Variants in NAV2 observed in about 807,000 individuals in gnomAD.
NAV2 encodes neuron navigator 2, also known as helicase, APC down-regulated 1.
Under a neutral mutation model 223.2 loss-of-function variants are expected in NAV2, and 54 were observed. The ratio of observed to expected loss-of-function variants is 0.24; its 90% confidence interval spans 0.19 to 0.30. The LOEUF is 0.30. Among genes scored for constraint, NAV2 ranks in the 10% least tolerant of loss-of-function variants. NAV2 has a pLI of 1.00. For synonymous variants in NAV2, 1,279 were observed against 1,239.3 expected (o/e 1.03, Z -0.67); for missense variants, 2,806 against 3,147.5 (o/e 0.89, Z 2.60).
At chr11:19,550,968 A>G (rs529896401) in intron 1 of NAV2, among the ~76,000 whole-genome samples, 111 of 152,376 alleles carry the variant, frequency 7.3e-4, no homozygotes, top group African/African-American at 2.5e-3. Context: ...AATGAGAAGT[A>G]GGTATAAAGA....
At chr11:19,879,538 G>T (rs532270037) in intron 4 of NAV2, among the ~76,000 whole-genome samples, 1 of 152,260 alleles carries the variant, frequency 6.6e-6, no homozygotes, top group African/African-American at 2.4e-5. Flanking sequence ...GCTTCCCCCA[G>T]TGCCAGAGTT....
intron 1 of NAV2, among the ~76,000 whole-genome samples, chr11:19,416,927 C>T (rs965899885): frequency 1.3e-5 from 2 of 152,162 alleles, no homozygotes; most frequent in East Asian, 1.9e-4. Flanking sequence ...CTTCCTTACA[C>T]CTTATACAAA....
chr11:19,397,418 T>TGTGTGTGTGTGTGTGCGCGC (rs57566081), intron 1 of NAV2, among the ~76,000 whole-genome samples: 97 of 145,350 alleles, frequency 6.7e-4, no homozygotes, highest in African/African-American at 2.4e-3. Flanking sequence ...TGTGTGTGTG[T>TGTGTGTGTGTGTGTGCGCGC]GCGCGCATGT....
At chr11:19,691,853 A>C (rs2049184412) in intron 1 of NAV2, among the ~76,000 whole-genome samples, 1 of 152,218 alleles carries the variant, frequency 6.6e-6, no homozygotes, top group Non-Finnish European at 1.5e-5. Flanking sequence ...CTGGGCCAAA[A>C]GACCCCTCCC....
intron 1 of NAV2, among the ~76,000 whole-genome samples, chr11:19,544,835 T>C (rs898642710): frequency 3.3e-5 from 5 of 152,160 alleles, no homozygotes; most frequent in African/African-American, 1.2e-4. Flanking sequence ...TGGCAAATCT[T>C]CCAAACTGTC....
intron 1 of NAV2, among the ~76,000 whole-genome samples, chr11:19,410,743 A>C (rs1251449770): frequency 6.6e-6 from 1 of 152,222 alleles, no homozygotes; most frequent in East Asian, 1.9e-4. Context: ...CCCTGCAGCC[A>C]GTGTTTCCAG....
At chr11:19,842,608 G>A (rs1218621969) in intron 2 of NAV2, among the ~76,000 whole-genome samples, 1 of 152,108 alleles carries the variant, frequency 6.6e-6, no homozygotes, top group Non-Finnish European at 1.5e-5. Flanking sequence ...GCATTTCCAC[G>A]ATGCCCCTTC....
intron 1 of NAV2, among the ~76,000 whole-genome samples, chr11:19,685,854 C>T (rs2049007859): frequency 6.6e-6 from 1 of 152,170 alleles, no homozygotes. Context: ...GAGCCTCCCA[C>T]GCTCTGCACC....
intron 1 of NAV2, among the ~76,000 whole-genome samples, chr11:19,502,421 A>G (rs551554168): frequency 6.6e-6 from 1 of 152,336 alleles, no homozygotes; most frequent in South Asian, 2.1e-4. Flanking sequence ...GTGCCAGATA[A>G]TGTTACCTTA....
intron 1 of NAV2, among the ~76,000 whole-genome samples, chr11:19,561,565 T>C (rs886575293): frequency 7.9e-5 from 12 of 152,342 alleles, no homozygotes; most frequent in African/African-American, 2.9e-4. Flanking sequence ...GCACCTATTA[T>C]TACTAGATAT....
chr11:19,697,812 T>G (rs1199164136), intron 1 of NAV2, among the ~76,000 whole-genome samples: 1 of 152,200 alleles, frequency 6.6e-6, no homozygotes, highest in Non-Finnish European at 1.5e-5. Context: ...GTGATGGCAA[T>G]TGGCTCTGAC....
intron 11 of NAV2, among the ~76,000 whole-genome samples, chr11:19,990,666 C>G (rs1005433798): frequency 2.0e-5 from 3 of 152,282 alleles, no homozygotes; most frequent in African/African-American, 7.2e-5. Flanking sequence ...AGTATTTGAG[C>G]CTTATCTCCC....
chr11:20,029,864 G>A (rs1017150530), intron 11 of NAV2, among the ~76,000 whole-genome samples: 46 of 152,312 alleles, frequency 3.0e-4, no homozygotes, highest in African/African-American at 1.1e-3. Flanking sequence ...CCAATGTAGG[G>A]CATTTCATTA....
chr11:20,118,589 A>G lies in NAV2; in HGVS notation c.*331A>G, dbSNP rs77011659. 214 of 31,296 alleles carry G rather than the reference A, an allele frequency of 6.8e-3. No individual in the cohort carries two copies. The highest frequency in any genetic ancestry group is 0.011 in the South Asian group (18 of 1,568). The allele number at this position is 31,296 out of a possible 1,614,324, so 1.9% of individuals were successfully genotyped here. A position where few individuals can be genotyped will look rare whatever the true frequency, so the allele number is the denominator to read the frequency against. ...TGAAATGAAAAGAGAGACAGAGAGA[A>G]AAAAAAAAAGAGAACCCACATGAAG... On this transcript the variant is annotated 3_prime_UTR_variant, in exon 38 of 38. Coordinates refer to ENST00000349880, the MANE Select transcript of NAV2 (RefSeq NM_145117.5).
rs1388365595 is a variant in NAV2, at chr11:20,052,857, G to A, written c.4482-1223G>A. ...CTTAAGCCCAAAGAATCCCCCTATTGACATAATCAGTAGTCACTCCATAAT... is the reference window on the plus strand; with the variant it reads ...CTTAAGCCCAAAGAATCCCCCTATTAACATAATCAGTAGTCACTCCATAAT... On this transcript the variant is annotated intron_variant, in intron 17 of 37. Coordinates refer to ENST00000349880, the MANE Select transcript of NAV2 (RefSeq NM_145117.5). Among the ~76,000 whole-genome samples the A allele has an allele frequency of 3.3e-5, 5 of 152,046 alleles. No homozygotes were observed. In the East Asian group the frequency reaches 7.7e-4, roughly 23 times the overall value.
chr11:19,830,211 C>T (rs935193396), intron 1 of NAV2, among the ~76,000 whole-genome samples: 4 of 152,078 alleles, frequency 2.6e-5, no homozygotes, highest in South Asian at 4.1e-4. Flanking sequence ...GGTGACAGAA[C>T]GAGACTCTGT....
chr11:19,768,428 T>C (rs768837450), intron 1 of NAV2, among the ~76,000 whole-genome samples: 2 of 152,162 alleles, frequency 1.3e-5, no homozygotes, highest in Non-Finnish European at 2.9e-5. Flanking sequence ...TAAGGGCTTC[T>C]GGGCACCCCT....
chr11:20,071,002 A>T (rs1009948023), intron 22 of NAV2, among the ~76,000 whole-genome samples: 8 of 152,080 alleles, frequency 5.3e-5, no homozygotes, highest in African/African-American at 1.7e-4. Context: ...CATGTGCAGA[A>T]TGTGCAGGTT....
intron 1 of NAV2, among the ~76,000 whole-genome samples, chr11:19,820,155 T>C (rs1433238484): frequency 6.6e-6 from 1 of 152,252 alleles, no homozygotes; most frequent in East Asian, 1.9e-4. Flanking sequence ...AGAGAGGCCT[T>C]GTAGTGGCCC....
Sources: allele counts gnomAD v4.1 joint callset (sites outside exome capture counted in the v4.1 genomes callset), GRCh38; gene constraint gnomAD v4.1.1; transcripts MANE v1.5; gene names NCBI Gene and HGNC (gene_info 2026-07-23, HGNC 2026-07-21).